TRIML1: variants seen among roughly 807,000 people sequenced by gnomAD.
TRIML1 encodes probable E3 ubiquitin-protein ligase TRIML1.
A neutral mutation model predicts 32.3 loss-of-function variants in TRIML1; 34 were observed. That is an observed-to-expected ratio of 1.05 (90% CI 0.80 to 1.40). The LOEUF is 1.40. Ranked by LOEUF, TRIML1 falls within the 40% of genes most tolerant of loss-of-function variation. The pLI, the probability that TRIML1 is intolerant of heterozygous loss-of-function variation, is 0.00. For synonymous variants in TRIML1, 244 were observed against 226.6 expected, an observed-to-expected ratio of 1.08 and a Z score of -0.69; for missense variants, 595 against 574.9, an observed-to-expected ratio of 1.03 and a Z score of -0.36.
Position 188,139,919 on chromosome 4 carries a change from G to T in TRIML1, c.361G>T (p.Gly121Cys), listed in dbSNP as rs764178121. ...GGSAFVAQSH[G>C]ANRVHLSSEA... ...AAGCGCCTTCGTAGCCCAGAGCCATGGTGCAAACAGAGTGCATCTCTCCAG... is the reference window on the plus strand; with the variant it reads ...AAGCGCCTTCGTAGCCCAGAGCCATTGTGCAAACAGAGTGCATCTCTCCAG... The change falls in exon 1 of 6, where the codon GGT becomes TGT. Residue 121 changes from glycine to cysteine, a missense_variant. Gly to Cys is a radical substitution (Grantham distance 159, BLOSUM62 -3). Transcript: ENST00000332517. 1 of 1,613,410 alleles carries T rather than the reference G, an allele frequency of 6.2e-7. No individual in the cohort carries two copies. The highest frequency in any genetic ancestry group is 1.3e-5 in the African/African-American group (1 of 74,918).
chr4:188,150,481 A>G (rs1284369061), downstream of TRIML1, among the ~76,000 whole-genome samples: 1 of 152,190 alleles, frequency 6.6e-6, no homozygotes, highest in African/African-American at 2.4e-5. Flanking sequence ...AAAAGCTAAG[A>G]AACAAAATGA....
chr4:188,144,142 GC>G lies in TRIML1; in HGVS notation c.856+11del. The stretch of plus-strand genomic sequence containing the variant: ...GCTAAGAAAATTCAGCAGTAAGTCA[GC>G]CTGATTTGTTACCCCTCCGGGGCTC... On this transcript the variant is annotated intron_variant, in intron 5 of 5. Coordinates refer to ENST00000332517, the MANE Select transcript of TRIML1 (RefSeq NM_178556.5). 8.7e-6 allele frequency: 14 copies of G among 1,612,620 alleles called. No individual in the cohort carries two copies. The highest frequency in any genetic ancestry group is 1.2e-5 in the Non-Finnish European group (14 of 1,179,088).
chr4:188,148,273 T>C (rs575422890), downstream of TRIML1, among the ~76,000 whole-genome samples: 30 of 152,134 alleles, frequency 2.0e-4, no homozygotes, highest in East Asian at 5.3e-3. Flanking sequence ...GTGGGTGGAT[T>C]ACCTGAGGTT....
chr4:188,143,989 G>C (rs908256267), intron 4 of TRIML1, 47 bp from the exon 5 acceptor site: 2 of 1,608,758 alleles, frequency 1.2e-6, no homozygotes, highest in Non-Finnish European at 1.7e-6. Flanking sequence ...AGCTGGAGCA[G>C]GTCACGCGGT....
Position 188,147,421 on chromosome 4 carries a change from C to G in TRIML1, c.*49C>G. The stretch of plus-strand genomic sequence containing the variant: ...GCGGGCGATGTCTGAGACCAAGACA[C>G]AACTATTAAGACGATGAAGGCATCG... On this transcript the variant is annotated 3_prime_UTR_variant, in exon 6 of 6. Coordinates refer to ENST00000332517, the MANE Select transcript of TRIML1 (RefSeq NM_178556.5). The G allele has an allele frequency of 7.0e-7, 1 of 1,422,710 alleles. No homozygotes were observed. The highest frequency in any genetic ancestry group is 9.2e-7 in the Non-Finnish European group (1 of 1,085,284). 88.1% of individuals were successfully genotyped at this position (1,422,710 alleles called of 1,614,324 possible).
Position 188,147,462 on chromosome 4 carries a change from G to A in TRIML1, c.*90G>A. 4 of 1,220,190 alleles carry A rather than the reference G, an allele frequency of 3.3e-6. No homozygotes were observed. The highest frequency in any genetic ancestry group is 2.7e-5 in the South Asian group (1 of 37,030). 75.6% of individuals were successfully genotyped at this position (1,220,190 alleles called of 1,614,324 possible). ...GAAGGCATCGACAGTATTAATGTCA[G>A]GTGATCTGAAATAAACTCCCGTAAC... On this transcript the variant is annotated 3_prime_UTR_variant, in exon 6 of 6. Transcript: ENST00000332517.
At chr4:188,140,015 C>G in intron 1 of TRIML1, 49 bp downstream of exon 1, 4 of 1,524,024 alleles carry the variant, frequency 2.6e-6, no homozygotes, top group Non-Finnish European at 3.5e-6. Context: ...CAGCTAACTC[C>G]GTTAGCTTTC....
At chr4:188,142,174 C>T (rs1253390236) in intron 2 of TRIML1, 78 bp from the exon 3 acceptor site, 39 of 1,003,426 alleles carry the variant, frequency 3.9e-5, no homozygotes, top group Non-Finnish European at 5.6e-5. Context: ...TAAAAATCTA[C>T]AGACAAGGGC....
chr4:188,143,985 A>G, intron 4 of TRIML1, 51 bp from the exon 5 acceptor site: 1 of 1,607,722 alleles, frequency 6.2e-7, no homozygotes, highest in Non-Finnish European at 8.5e-7. Context: ...CTCCAGCTGG[A>G]GCAGGTCACG....
chr4:188,149,779 C>A (rs1735202769), downstream of TRIML1, among the ~76,000 whole-genome samples: 1 of 152,038 alleles, frequency 6.6e-6, no homozygotes, highest in African/African-American at 2.4e-5. Flanking sequence ...CTATCTGTGG[C>A]CCACTGTGTT....
In TRIML1 at chr4:188,143,816, CTTCT is replaced by C; in HGVS notation, c.736-15_736-12del. ...TTATGATCAAAGCGCACCATGCTAA[CTTCT>C]TTCTTTTTTACCCGTAGGAAGTGAG... On this transcript the variant is annotated intron_variant, in intron 3 of 5. Coordinates refer to ENST00000332517, the MANE Select transcript of TRIML1 (RefSeq NM_178556.5). 10 of 1,614,100 alleles carry C rather than the reference CTTCT, an allele frequency of 6.2e-6. No individual in the cohort carries two copies. The highest frequency in any genetic ancestry group is 8.5e-6 in the Non-Finnish European group (10 of 1,179,988).
Position 188,147,236 on chromosome 4 carries a change from C to G in TRIML1, c.1271C>G (p.Thr424Arg). 1.9e-6 allele frequency: 3 copies of G among 1,608,602 alleles called. No homozygotes were observed. The highest frequency in any genetic ancestry group is 2.5e-6 in the Non-Finnish European group (3 of 1,177,166). ...ESGHIAFYNG[T>R]DESLIYSFPQ... Reference sequence around the variant, plus strand: ...GGACATATAGCATTCTACAACGGGACGGATGAATCCCTCATCTACAGCTTC... The same window carrying G: ...GGACATATAGCATTCTACAACGGGAGGGATGAATCCCTCATCTACAGCTTC... Residue 424 changes from threonine to arginine, a missense_variant, in exon 6 of 6, where the codon ACG becomes AGG. Thr to Arg is a moderately conservative substitution (Grantham distance 71). Coordinates refer to ENST00000332517, the MANE Select transcript of TRIML1 (RefSeq NM_178556.5).
chr4:188,137,475 CTT>C (rs70938701), upstream of TRIML1, among the ~76,000 whole-genome samples: 8,686 of 101,538 alleles, frequency 0.086, 658 homozygotes, highest in African/African-American at 0.24. Context: ...GCTATTTTTA[CTT>C]TTTTTTTTTT....
chr4:188,150,262 A>G (rs1200337104), downstream of TRIML1, among the ~76,000 whole-genome samples: 2 of 151,702 alleles, frequency 1.3e-5, no homozygotes, highest in African/African-American at 2.4e-5. Flanking sequence ...GAGTAGCTTA[A>G]TCCCCATAGG....
chr4:188,139,334 G>C, upstream of TRIML1: 1 of 425,232 alleles, frequency 2.4e-6, no homozygotes, highest in Non-Finnish European at 4.1e-6. Flanking sequence ...TTTGGGGTTG[G>C]TGAGGAGCCC....
chr4:188,145,456 AAAAAAAAAAAAAAAAAAAAAG>A (rs1400243538), intron 5 of TRIML1, among the ~76,000 whole-genome samples: 17 of 71,672 alleles, frequency 2.4e-4, no homozygotes, highest in South Asian at 2.0e-3. Context: ...AAAAAAAAAA[AAAAAAAAAAAAAAAAAAAAAG>A]TCAGAAATGG....
chr4:188,148,478 G>A (rs1044147362), downstream of TRIML1, among the ~76,000 whole-genome samples: 5 of 151,314 alleles, frequency 3.3e-5, no homozygotes, highest in Admixed American at 1.3e-4. Flanking sequence ...TGGGCAACAA[G>A]AGTGAAACTC....
downstream of TRIML1, among the ~76,000 whole-genome samples, chr4:188,148,590 CT>C (rs1319534166): frequency 6.6e-6 from 1 of 151,986 alleles, no homozygotes; most frequent in Non-Finnish European, 1.5e-5. Flanking sequence ...CTTTAGTGAT[CT>C]ATCCCTGCAG....
At position 188,147,277 on chromosome 4, in the gene TRIML1, C is replaced by T. The variant is rs770830936; in HGVS notation, c.1312C>T (p.Gln438Ter). The change falls in exon 6 of 6, where the codon CAA becomes TAA. Residue 438 changes from glutamine to a stop codon, truncating the protein, a stop_gained. Coordinates refer to ENST00000332517, the MANE Select transcript of TRIML1 (RefSeq NM_178556.5). LOFTEE classifies it high-confidence loss of function. Reference sequence around the variant, plus strand: ...CTACAGCTTCCCGCAGGCTTCTTTCCAAGAGGCCCTCAGGCCTATCTTTTC... The same window carrying T: ...CTACAGCTTCCCGCAGGCTTCTTTCTAAGAGGCCCTCAGGCCTATCTTTTC... ...LIYSFPQASF[Q>*]EALRPIFSPC... 4 of 1,579,328 alleles carry T rather than the reference C, an allele frequency of 2.5e-6. No individual in the cohort carries two copies. The South Asian group carries it at 4.7e-5, about 19-fold the overall frequency.
Sources: allele counts gnomAD v4.1 joint callset (sites outside exome capture counted in the v4.1 genomes callset), GRCh38; gene constraint gnomAD v4.1.1; transcripts MANE v1.5; gene names NCBI Gene and HGNC (gene_info 2026-07-23, HGNC 2026-07-21).